Variants in RARA observed in about 807,000 individuals in gnomAD.
RARA encodes the protein retinoic acid receptor alpha.
A neutral mutation model predicts 42.8 loss-of-function variants in RARA; 5 were observed. The ratio of observed to expected loss-of-function variants is 0.12; its 90% CI spans 0.06 to 0.25. The LOEUF (loss-of-function observed/expected upper bound fraction) is 0.25, where lower values mean the gene tolerates loss of function less well. Among genes scored for constraint, RARA ranks in the 10% least tolerant of loss-of-function variants. RARA has a pLI of 1.00. For synonymous variants in RARA, 256 were observed against 259.5 expected (o/e 0.99, Z 0.13); for missense variants, 402 against 628.7 (o/e 0.64, Z 3.86).
intron 1 of RARA, among the ~76,000 whole-genome samples, chr17:40,321,640 C>T (rs907965564): frequency 6.6e-6 from 1 of 152,228 alleles, no homozygotes; most frequent in Non-Finnish European, 1.5e-5. Context: ...TTCTACTTAA[C>T]ATCCTGCCCC....
At chr17:40,338,909 T>G (rs1220315429) in intron 2 of RARA, among the ~76,000 whole-genome samples, 1 of 151,904 alleles carries the variant, frequency 6.6e-6, no homozygotes, top group African/African-American at 2.4e-5. Context: ...TCCCAGCTAC[T>G]TGGGAGGCTG....
intron 2 of RARA, chr17:40,342,563 G>C: frequency 7.3e-7 from 1 of 1,360,986 alleles, no homozygotes. Context: ...AGGGCAGGGG[G>C]CGCCCCCTGC....
At chr17:40,327,014 A>G (rs1248065394) in intron 1 of RARA, among the ~76,000 whole-genome samples, 5 of 151,818 alleles carry the variant, frequency 3.3e-5, no homozygotes, top group African/African-American at 1.2e-4. Flanking sequence ...GTAAATTTGC[A>G]CTGAAATTTG....
intron 1 of RARA, among the ~76,000 whole-genome samples, chr17:40,328,799 T>C (rs959920943): frequency 6.6e-6 from 1 of 152,240 alleles, no homozygotes. Context: ...ATACAACATT[T>C]TATTTATTCG....
chr17:40,310,937 C>G (rs1225314549), intron 1 of RARA, among the ~76,000 whole-genome samples: 1 of 152,162 alleles, frequency 6.6e-6, no homozygotes, highest in Non-Finnish European at 1.5e-5. Flanking sequence ...GATGGAGGAA[C>G]TAGGCAGGGC....
chr17:40,348,221 AG>A, intron 2 of RARA, 94 bp from the exon 3 acceptor site: 1 of 1,396,604 alleles, frequency 7.2e-7, no homozygotes, highest in Non-Finnish European at 9.5e-7. Context: ...TGAGGCTGGG[AG>A]AGGCTCTTAG....
rs1422032918 is a variant in RARA at position 40,352,028 on chromosome 17, G to A, written c.588G>A (p.Gln196=). Reference sequence around the variant, plus strand: ...TTGAGAAGGTGCGCAAAGCGCACCAGGAAACCTTCCCTGCCCTCTGCCAGC... The same window carrying A: ...TTGAGAAGGTGCGCAAAGCGCACCAAGAAACCTTCCCTGCCCTCTGCCAGC... ...ELIEKVRKAH[Q]ETFPALCQLG... is the part of the protein sequence containing the mutation. The change falls in exon 5 of 9, where the codon CAG becomes CAA. Residue 196 remains glutamine, a synonymous_variant. Transcript: ENST00000254066. This position sits in a 1 kb window ranked among gnomAD's most constrained non-coding sequence, Gnocchi z 4.9. 2 of 1,586,858 alleles carry A rather than the reference G, an allele frequency of 1.3e-6. No individual in the cohort carries two copies. Among genetic ancestry groups the A allele is most frequent in the Non-Finnish European group, 1.7e-6 (2 of 1,172,080 alleles).
chr17:40,341,566 CG>C, intron 2 of RARA: 1 of 1,370,104 alleles, frequency 7.3e-7, no homozygotes, highest in Non-Finnish European at 9.4e-7. Flanking sequence ...AGGGGGCTGG[CG>C]GGCGAGCCCC....
In RARA at chr17:40,329,906, A is replaced by G. The variant is rs140446425; in HGVS notation, c.-362-951A>G. The stretch of plus-strand genomic sequence containing the variant: ...GAAACATCCTCTTGTCCTCGTATGG[A>G]TATGTTCTTCGTGTTCTCTCTCTTT... On this transcript the variant is annotated intron_variant, in intron 1 of 8. Transcript: ENST00000254066. Among the ~76,000 whole-genome samples the G allele has an allele frequency of 8.0e-3, 1,219 of 152,138 alleles. 28 individuals carry two copies. The highest frequency in any genetic ancestry group is 0.065 in the South Asian group (312 of 4,820).
Position 40,356,543 on chromosome 17 carries a change from C to T in RARA, c.*317C>T. 1 of 614,558 alleles carries T rather than the reference C, an allele frequency of 1.6e-6. No homozygotes were observed. Among genetic ancestry groups the T allele is most frequent in the Middle Eastern group, 2.5e-4 (1 of 4,010 alleles). The allele number at this position is 614,558 out of a possible 1,614,324, so 38.1% of individuals were successfully genotyped here. ...TCAAGACACCCCTCTGCCCAGCTCA[C>T]CACATCTTCATCACCAGCAAACGCC... On this transcript the variant is annotated 3_prime_UTR_variant, in exon 9 of 9. Coordinates refer to ENST00000254066, the MANE Select transcript of RARA (RefSeq NM_000964.4).
intron 2 of RARA, among the ~76,000 whole-genome samples, chr17:40,339,350 G>A (rs2033953958): frequency 6.6e-6 from 1 of 152,194 alleles, no homozygotes; most frequent in Non-Finnish European, 1.5e-5. Flanking sequence ...CTTACTAAAC[G>A]CAAAGCCCTG....
chr17:40,357,314 C>G lies in RARA; in HGVS notation c.*1088C>G, dbSNP rs1486746683. 4.2e-6 allele frequency: 1 copy of G among 235,614 alleles called. No individual in the cohort carries two copies. Among genetic ancestry groups the G allele is most frequent in the Admixed American group, 5.5e-5 (1 of 18,146 alleles). The allele number at this position is 235,614 out of a possible 1,614,324, so 14.6% of individuals were successfully genotyped here. ...CCAGCACCCCCATAGGGCCCCCAGA[C>G]ACCACACACATGCGCGTGCGCACAC... On this transcript the variant is annotated 3_prime_UTR_variant, in exon 9 of 9. Coordinates refer to ENST00000254066, the MANE Select transcript of RARA (RefSeq NM_000964.4).
At chr17:40,335,266 C>T (rs958480560) in intron 2 of RARA, among the ~76,000 whole-genome samples, 5 of 152,020 alleles carry the variant, frequency 3.3e-5, no homozygotes, top group Non-Finnish European at 7.4e-5. Flanking sequence ...AGTGGTCTTT[C>T]GTTTGGGTTC....
intron 3 of RARA, 156 bp from the exon 4 acceptor site, chr17:40,349,628 C>T: frequency 1.2e-6 from 1 of 863,906 alleles, no homozygotes; most frequent in Non-Finnish European, 1.8e-6. Context: ...TTAGGTGAAT[C>T]ATTCTCCCCA....
rs2034685383 is a variant in RARA at position 40,357,518 on chromosome 17, TGG to T, written c.*1293_*1294del. ...CCCCTGCACCCCCAGCTGGGGGAGC[TGG>T]CTCTGCCCCGACCTCCTTCACCAGG... is the stretch of plus-strand genomic sequence containing the variant. On this transcript the variant is annotated 3_prime_UTR_variant, in exon 9 of 9. Transcript: ENST00000254066. The T allele has an allele frequency of 8.8e-6, 2 of 226,516 alleles. No homozygotes were observed. The highest frequency in any genetic ancestry group is 1.7e-5 in the Non-Finnish European group (2 of 114,710). 14.0% of individuals were successfully genotyped at this position (226,516 alleles called of 1,614,324 possible).
intron 2 of RARA, chr17:40,342,541 C>G: frequency 7.5e-7 from 1 of 1,325,154 alleles, no homozygotes; most frequent in Non-Finnish European, 9.6e-7. Context: ...CGGACTTAGA[C>G]GCGGGGACTT....
intron 2 of RARA, among the ~76,000 whole-genome samples, chr17:40,344,117 C>A (rs1348515405): frequency 6.0e-5 from 9 of 151,108 alleles, no homozygotes; most frequent in African/African-American, 1.9e-4. Flanking sequence ...GGGGCCCTGG[C>A]AGATTGGAGA....
intron 2 of RARA, among the ~76,000 whole-genome samples, chr17:40,333,524 T>C (rs1024119879): frequency 5.3e-5 from 8 of 150,870 alleles, no homozygotes; most frequent in East Asian, 2.0e-4. Flanking sequence ...TTAGTAGAGA[T>C]GGGGTTTTGC....
Position 40,354,616 on chromosome 17 carries a change from G to C in RARA, c.1012+110G>C. 1 of 1,318,954 alleles carries C rather than the reference G, an allele frequency of 7.6e-7. No individual in the cohort carries two copies. Among genetic ancestry groups the C allele is most frequent in the Admixed American group, 2.2e-5 (1 of 44,732 alleles). 81.7% of individuals were successfully genotyped at this position (1,318,954 alleles called of 1,614,324 possible). ...CTCTGTTAGGTATCTCTAGAGGGCA[G>C]GGTCTGGTCTGCAACTACACAGCAA... On this transcript the variant is annotated intron_variant, in intron 7 of 8. Transcript: ENST00000254066. This position sits in a 1 kb window ranked among gnomAD's most constrained non-coding sequence, Gnocchi z 4.5.
Sources: allele counts gnomAD v4.1 joint callset (sites outside exome capture counted in the v4.1 genomes callset), GRCh38; gene constraint gnomAD v4.1.1; non-coding constraint Gnocchi (gnomAD v3.1); transcripts MANE v1.5; gene names NCBI Gene and HGNC (gene_info 2026-07-23, HGNC 2026-07-21).